ULK4: variants seen among roughly 807,000 people sequenced by gnomAD.
ULK4 encodes the protein inactive serine/threonine-protein kinase ULK4.
ULK4 carries 133 observed loss-of-function variants against 160.6 expected under a neutral mutation model. The ratio of observed to expected loss-of-function variants is 0.83; its 90% CI spans 0.72 to 0.96. ULK4 has a LOEUF of 0.96. ULK4 is among the 40% of genes least tolerant of loss of function. The probability of loss-of-function intolerance (pLI) is 0.00; values close to 1 mark genes in which losing one functional copy is unlikely to be tolerated. For missense variants in ULK4, 1,580 were observed against 1,499.5 expected, an observed-to-expected ratio of 1.05 and a Z score of -0.89; for synonymous variants, 534 against 539.8, an observed-to-expected ratio of 0.99 and a Z score of 0.15.
intron 35 of ULK4, among the ~76,000 whole-genome samples, chr3:41,354,501 T>G (rs940660751): frequency 3.3e-5 from 5 of 152,326 alleles, no homozygotes; most frequent in East Asian, 1.9e-4. Flanking sequence ...CATTTGCAGA[T>G]AGTTCTCATT....
rs113505336 is a variant in ULK4, at chr3:41,280,174, C to G, written c.3679-30600G>C. 9.7e-4 allele frequency among the ~76,000 whole-genome samples: 148 copies of G among 152,230 alleles called. 1 individual carries two copies. Among genetic ancestry groups the G allele is most frequent in the African/African-American group, 3.5e-3 (146 of 41,526 alleles). ...ATTCATAAAGCAAGTCCTTAGAGACCTACAAAGAGACTTAGACTCCTACAC... is the reference window on the plus strand; with the variant it reads ...ATTCATAAAGCAAGTCCTTAGAGACGTACAAAGAGACTTAGACTCCTACAC... On this transcript the variant is annotated intron_variant, in intron 35 of 36. Coordinates refer to ENST00000301831, the MANE Select transcript of ULK4 (RefSeq NM_017886.4).
intron 35 of ULK4, among the ~76,000 whole-genome samples, chr3:41,394,141 T>C (rs1344597722): frequency 6.6e-6 from 1 of 151,988 alleles, no homozygotes; most frequent in Non-Finnish European, 1.5e-5. Flanking sequence ...ATTCTGAAGA[T>C]AACAACAAAT....
chr3:41,800,354 A>G (rs2040422887), intron 19 of ULK4, 61 bp from the exon 20 acceptor site: 1 of 1,495,460 alleles, frequency 6.7e-7, no homozygotes, highest in Non-Finnish European at 9.1e-7. Context: ...TTATTTCTTT[A>G]TGACCATTGT....
intron 11 of ULK4, among the ~76,000 whole-genome samples, chr3:41,910,123 T>C (rs559030369): frequency 6.6e-6 from 1 of 152,228 alleles, no homozygotes; most frequent in Non-Finnish European, 1.5e-5. Flanking sequence ...CTCAGTCTCC[T>C]GACCTCAGGT....
chr3:41,592,436 G>A (rs762362741), intron 31 of ULK4, among the ~76,000 whole-genome samples: 16 of 152,054 alleles, frequency 1.1e-4, no homozygotes, highest in Admixed American at 2.6e-4. Flanking sequence ...AAGGGGTGAG[G>A]GATACAAGAC....
chr3:41,838,994 G>C (rs2041835870), intron 17 of ULK4, among the ~76,000 whole-genome samples: 1 of 152,178 alleles, frequency 6.6e-6, no homozygotes, highest in African/African-American at 2.4e-5. Flanking sequence ...AAGTTTTCAA[G>C]ATCTATTGCA....
chr3:41,669,081 C>G (rs1028322502), intron 29 of ULK4, among the ~76,000 whole-genome samples: 15 of 152,008 alleles, frequency 9.9e-5, no homozygotes, highest in African/African-American at 3.1e-4. Context: ...CAAGAAGCAT[C>G]GGGAAGAAAT....
intron 29 of ULK4, among the ~76,000 whole-genome samples, chr3:41,665,965 T>C (rs1054946775): frequency 2.0e-5 from 3 of 152,182 alleles, no homozygotes; most frequent in Admixed American, 6.5e-5. Flanking sequence ...AGGATGCAGA[T>C]TAAAATCAGC....
chr3:41,617,408 G>T (rs907198324), intron 30 of ULK4, among the ~76,000 whole-genome samples: 5 of 152,206 alleles, frequency 3.3e-5, no homozygotes, highest in Admixed American at 2.6e-4. Flanking sequence ...CTGGGACAAA[G>T]CTTCCTGAGG....
chr3:41,718,788 AT>A (rs2037357471), intron 22 of ULK4, among the ~76,000 whole-genome samples: 2 of 152,226 alleles, frequency 1.3e-5, no homozygotes, highest in South Asian at 4.1e-4. Context: ...ACATATATAC[AT>A]AAAATGTATT....
At chr3:41,619,015 G>A (rs551191912) in intron 30 of ULK4, among the ~76,000 whole-genome samples, 1 of 151,690 alleles carries the variant, frequency 6.6e-6, no homozygotes, top group African/African-American at 2.4e-5. Context: ...AACCAACAAA[G>A]ATCAAAAAAG....
chr3:41,388,448 C>T (rs1334876430), intron 35 of ULK4, among the ~76,000 whole-genome samples: 10 of 151,964 alleles, frequency 6.6e-5, no homozygotes, highest in Non-Finnish European at 1.0e-4. Context: ...AAGTCCTTGC[C>T]CATGCCTATG....
intron 5 of ULK4, among the ~76,000 whole-genome samples, chr3:41,931,335 G>T (rs1347030382): frequency 6.6e-6 from 1 of 152,036 alleles, no homozygotes; most frequent in Non-Finnish European, 1.5e-5. Flanking sequence ...CTGTCAGGGG[G>T]TAGGGGTCTA....
chr3:41,532,928 A>C (rs1444241430), intron 32 of ULK4, among the ~76,000 whole-genome samples: 6 of 152,222 alleles, frequency 3.9e-5, no homozygotes, highest in Non-Finnish European at 5.9e-5. Flanking sequence ...CCCTTGAACC[A>C]ATATGGCTTA....
At chr3:41,825,215 A>G in intron 18 of ULK4, among the ~76,000 whole-genome samples, 1 of 152,180 alleles carries the variant, frequency 6.6e-6, no homozygotes, top group East Asian at 1.9e-4. Context: ...AGATGGAAAA[A>G]ACAGAGCAGA....
intron 35 of ULK4, among the ~76,000 whole-genome samples, chr3:41,306,835 C>CTG (rs2079950564): frequency 6.6e-6 from 1 of 151,778 alleles, no homozygotes; most frequent in Non-Finnish European, 1.5e-5. Flanking sequence ...TCCTGTTGAT[C>CTG]TGTGACCTTA....
intron 22 of ULK4, among the ~76,000 whole-genome samples, chr3:41,724,280 A>T (rs188953936): frequency 6.6e-6 from 1 of 152,342 alleles, no homozygotes; most frequent in Non-Finnish European, 1.5e-5. Context: ...TGCTGGATGC[A>T]CATAAACATT....
chr3:41,654,250 GACA>G (rs1224980986), intron 30 of ULK4, among the ~76,000 whole-genome samples: 2 of 152,052 alleles, frequency 1.3e-5, no homozygotes, highest in Non-Finnish European at 2.9e-5. Flanking sequence ...AACCAGACAA[GACA>G]ACAAAAAACA....
intron 16 of ULK4, among the ~76,000 whole-genome samples, chr3:41,892,655 T>G (rs964872486): frequency 6.6e-6 from 1 of 152,176 alleles, no homozygotes; most frequent in African/African-American, 2.4e-5. Flanking sequence ...TCTTAAAACT[T>G]GAGGAAGTTA....
Sources: allele counts gnomAD v4.1 joint callset (sites outside exome capture counted in the v4.1 genomes callset), GRCh38; gene constraint gnomAD v4.1.1; transcripts MANE v1.5; gene names NCBI Gene and HGNC (gene_info 2026-07-23, HGNC 2026-07-21).